The following TENM3 variants were observed in gnomAD, a reference collection of about 807,000 sequenced individuals.
TENM3 encodes the protein teneurin transmembrane protein 3.
TENM3 carries 63 observed loss-of-function variants against 255.1 expected under a neutral mutation model. That is an observed-to-expected ratio of 0.25 (90% confidence interval 0.20 to 0.30). TENM3 has a LOEUF of 0.30. Ranked by LOEUF, TENM3 falls within the 10% of genes least tolerant of loss-of-function variation. The pLI, the probability that TENM3 is intolerant of heterozygous loss-of-function variation, is 1.00. For missense variants in TENM3, 2,929 were observed against 3,461.1 expected, an observed-to-expected ratio of 0.85 and a Z score of 3.86; for synonymous variants, 1,306 against 1,322.3, an observed-to-expected ratio of 0.99 and a Z score of 0.27.
At chr4:181,945,047 C>A in the TENM3 span, among the ~76,000 whole-genome samples, 24 of 152,104 alleles carry the variant, frequency 1.6e-4, no homozygotes, top group East Asian at 4.7e-3. Flanking sequence ...TTGCCCACCA[C>A]GACAACCTTA....
Position 182,789,008 on chromosome 4 carries a change from A to T in TENM3, c.5305-85A>T. ...AATTTACTGACAAAGAGAATCAATC[A>T]TCGTAAATGGTGTTTAAACAATACT... is the stretch of plus-strand genomic sequence containing the variant. On this transcript the variant is annotated intron_variant, in intron 24 of 27. Transcript: ENST00000511685. This position sits in a 1 kb window ranked among gnomAD's most constrained non-coding sequence, Gnocchi z 4.4. 4 of 1,197,390 alleles carry T rather than the reference A, an allele frequency of 3.3e-6. No homozygotes were observed. The highest frequency in any genetic ancestry group is 1.1e-6 in the Non-Finnish European group (1 of 873,656). The allele number at this position is 1,197,390 out of a possible 1,614,324, so 74.2% of individuals were successfully genotyped here.
intron 12 of TENM3, chr4:182,707,960 C>CA (rs1200514108): frequency 6.6e-6 from 1 of 151,318 alleles, no homozygotes; most frequent in Non-Finnish European, 1.5e-5. Flanking sequence ...CTCCTTTCAT[C>CA]AGTTTTTTCT....
the TENM3 span, among the ~76,000 whole-genome samples, chr4:181,594,208 A>G: frequency 2.6e-5 from 4 of 152,252 alleles, no homozygotes; most frequent in African/African-American, 9.6e-5. Flanking sequence ...ATGATGAATA[A>G]GGTGAAGTGT....
the TENM3 span, among the ~76,000 whole-genome samples, chr4:181,892,314 T>C: frequency 6.6e-6 from 1 of 152,184 alleles, no homozygotes; most frequent in Admixed American, 6.5e-5. Flanking sequence ...GGTTTACTTC[T>C]CCTTCCCGTG....
the TENM3 span, among the ~76,000 whole-genome samples, chr4:181,610,852 C>T: frequency 2.0e-5 from 3 of 152,134 alleles, no homozygotes; most frequent in South Asian, 6.2e-4. Context: ...GCTCCTTAAT[C>T]CCACCACTGT....
the TENM3 span, among the ~76,000 whole-genome samples, chr4:182,113,009 A>C: frequency 6.6e-6 from 1 of 152,202 alleles, no homozygotes; most frequent in Non-Finnish European, 1.5e-5. Flanking sequence ...GGCCCTCCTC[A>C]TCTGCAGATT....
At chr4:182,557,554 T>A (rs941580242) in intron 3 of TENM3, among the ~76,000 whole-genome samples, 1 of 152,198 alleles carries the variant, frequency 6.6e-6, no homozygotes, top group Non-Finnish European at 1.5e-5. Context: ...TATCAATCCA[T>A]GTGCTAATGG....
the TENM3 span, among the ~76,000 whole-genome samples, chr4:182,037,105 T>C: frequency 2.1e-4 from 32 of 152,036 alleles, no homozygotes; most frequent in African/African-American, 6.5e-4. Flanking sequence ...TCTGTTAAAC[T>C]GTGAATAATT....
chr4:182,389,981 G>C (rs554178975), intron 3 of TENM3, among the ~76,000 whole-genome samples: 1 of 152,152 alleles, frequency 6.6e-6, no homozygotes, highest in Admixed American at 6.5e-5. Flanking sequence ...CACCGCGCCC[G>C]GCCCAGTAGA....
intron 1 of TENM3, among the ~76,000 whole-genome samples, chr4:182,203,171 C>T (rs568435140): frequency 6.6e-6 from 1 of 151,222 alleles, no homozygotes; most frequent in South Asian, 2.1e-4. Context: ...GAGCCGAGAT[C>T]GTGCCATTGC....
chr4:181,597,168 ATCC>A, the TENM3 span, among the ~76,000 whole-genome samples: 1 of 152,234 alleles, frequency 6.6e-6, no homozygotes, highest in East Asian at 1.9e-4. Flanking sequence ...CTAACATTAA[ATCC>A]TCCTTGATCT....
At chr4:182,549,320 A>G (rs1741777200) in intron 3 of TENM3, among the ~76,000 whole-genome samples, 1 of 152,224 alleles carries the variant, frequency 6.6e-6, no homozygotes. Flanking sequence ...ATGTAAAACT[A>G]AAGCATTTTC....
chr4:181,553,181 T>C, the TENM3 span, among the ~76,000 whole-genome samples: 3 of 152,014 alleles, frequency 2.0e-5, no homozygotes, highest in African/African-American at 7.3e-5. Context: ...CTCTGTATCT[T>C]AGATCCTGAA....
chr4:182,772,770 A>C (rs1333053412), intron 22 of TENM3, among the ~76,000 whole-genome samples: 1 of 152,166 alleles, frequency 6.6e-6, no homozygotes, highest in South Asian at 2.1e-4. Flanking sequence ...GTAAAAAAAA[A>C]ACAAATAATC....
the TENM3 span, among the ~76,000 whole-genome samples, chr4:182,132,417 AG>A: frequency 0.012 from 1,872 of 152,220 alleles, 33 homozygotes; most frequent in African/African-American, 0.043. Context: ...TGGGAGGTGG[AG>A]GTTGCAGTGA....
the TENM3 span, among the ~76,000 whole-genome samples, chr4:182,133,428 T>G: frequency 6.6e-6 from 1 of 152,228 alleles, no homozygotes; most frequent in Non-Finnish European, 1.5e-5. Context: ...CTACACAAGT[T>G]GAGTTAGTTT....
intron 12 of TENM3, among the ~76,000 whole-genome samples, chr4:182,703,902 C>A (rs1027614918): frequency 6.6e-6 from 1 of 152,204 alleles, no homozygotes; most frequent in Non-Finnish European, 1.5e-5. Flanking sequence ...GATGATTGTT[C>A]TGGCTTCCTG....
chr4:181,740,309 G>A, the TENM3 span, among the ~76,000 whole-genome samples: 1 of 151,962 alleles, frequency 6.6e-6, no homozygotes, highest in African/African-American at 2.4e-5. Flanking sequence ...TAACAATTAT[G>A]AAAAATTCAG....
At chr4:182,699,742 T>C (rs1056888384) in intron 12 of TENM3, among the ~76,000 whole-genome samples, 2 of 152,210 alleles carry the variant, frequency 1.3e-5, no homozygotes, top group Non-Finnish European at 2.9e-5. Flanking sequence ...ATTCATATGA[T>C]ACTGTTTCAT....
Sources: allele counts gnomAD v4.1 joint callset (sites outside exome capture counted in the v4.1 genomes callset), GRCh38; gene constraint gnomAD v4.1.1; non-coding constraint Gnocchi (gnomAD v3.1); transcripts MANE v1.5; gene names NCBI Gene and HGNC (gene_info 2026-07-23, HGNC 2026-07-21).